TJP1: variants seen among roughly 807,000 people sequenced by gnomAD.
TJP1 encodes the protein tight junction protein ZO-1.
In TJP1, 43 loss-of-function variants were observed where a neutral mutation model predicts 194.2. That is an observed-to-expected ratio of 0.22 (90% confidence interval 0.17 to 0.29). The LOEUF (loss-of-function observed/expected upper bound fraction) is 0.29. Among genes scored for constraint, TJP1 ranks in the 10% least tolerant of loss-of-function variants. The pLI is 1.00. For missense variants in TJP1, 1,971 were observed against 2,185.7 expected (o/e 0.90, Z 1.96); for synonymous variants, 801 against 779.0 (o/e 1.03, Z -0.47).
chr15:29,703,377 G>T (rs1394468684), intron 27 of TJP1, among the ~76,000 whole-genome samples: 3 of 152,006 alleles, frequency 2.0e-5, no homozygotes, highest in Non-Finnish European at 2.9e-5. Context: ...GGCGAAGGTT[G>T]CAGTGAGCTG....
chr15:29,806,819 CA>C (rs2049141349), intron 1 of TJP1, among the ~76,000 whole-genome samples: 1 of 151,996 alleles, frequency 6.6e-6, no homozygotes, highest in African/African-American at 2.4e-5. Flanking sequence ...AAAGGTAAGG[CA>C]AAATATGTAT....
intron 1 of TJP1, among the ~76,000 whole-genome samples, chr15:29,817,905 G>T (rs1363903940): frequency 6.6e-6 from 1 of 151,916 alleles, no homozygotes; most frequent in Non-Finnish European, 1.5e-5. Flanking sequence ...TGCATGTGGG[G>T]CTTAAAACTT....
At chr15:29,730,002 T>G (rs1283837261) in intron 15 of TJP1, among the ~76,000 whole-genome samples, 1 of 152,042 alleles carries the variant, frequency 6.6e-6, no homozygotes, top group African/African-American at 2.4e-5. Flanking sequence ...ATGGACAGAT[T>G]TCTGTATCTT....
chr15:29,708,989 C>G lies in TJP1; in HGVS notation c.4420G>C (p.Asp1474His). 1 of 1,613,872 alleles carries G rather than the reference C, an allele frequency of 6.2e-7. No individual in the cohort carries two copies. The highest frequency in any genetic ancestry group is 1.1e-5 in the South Asian group (1 of 91,054). The part of the protein sequence containing the change: ...DFQNSLVSKP[D>H]PPPSQNKPAT... ...GGCTTATTCTGAGATGGAGGTGGGT[C>G]TGGTTTGGACACTAAGGAATTCTGA... is the stretch of plus-strand genomic sequence containing the variant. The change falls in exon 25 of 28, where the codon GAC becomes CAC. Residue 1474 changes from aspartate to histidine, a missense_variant. Physicochemically the swap from Asp to His is moderately conservative, Grantham distance 81 (BLOSUM62 -1). Coordinates refer to ENST00000614355, the MANE Select transcript of TJP1 (RefSeq NM_001330239.4).
intron 8 of TJP1, among the ~76,000 whole-genome samples, chr15:29,757,055 G>T (rs2045687932): frequency 6.6e-6 from 1 of 152,082 alleles, no homozygotes; most frequent in African/African-American, 2.4e-5. Flanking sequence ...CGTATGACCT[G>T]CCTGCTTCAC....
intron 2 of TJP1, among the ~76,000 whole-genome samples, chr15:29,830,219 G>A (rs2050794770): frequency 6.6e-6 from 1 of 151,662 alleles, no homozygotes; most frequent in South Asian, 2.1e-4. Flanking sequence ...CTATTACTCT[G>A]AAACTGCTCT....
At chr15:29,949,262 A>ACCT (rs1341159215) in intron 2 of TJP1, among the ~76,000 whole-genome samples, 1 of 76,708 alleles carries the variant, frequency 1.3e-5, no homozygotes, top group East Asian at 5.6e-4. Flanking sequence ...CACCTCCACC[A>ACCT]CCACCACCTC....
chr15:29,954,393 T>C (rs1407626227), intron 2 of TJP1, among the ~76,000 whole-genome samples: 1 of 152,208 alleles, frequency 6.6e-6, no homozygotes, highest in Non-Finnish European at 1.5e-5. Context: ...AGTTATATGA[T>C]TATGCTTCAG....
chr15:29,835,683 T>C (rs2051002616), intron 2 of TJP1, among the ~76,000 whole-genome samples: 1 of 151,794 alleles, frequency 6.6e-6, no homozygotes, highest in African/African-American at 2.4e-5. Flanking sequence ...AACATGATAC[T>C]CTAACATGTA....
In TJP1 at chr15:29,803,870, A is replaced by C. The variant is rs531738253; in HGVS notation, c.28-3168T>G. Among the ~76,000 whole-genome samples the C allele has an allele frequency of 9.2e-4, 140 of 152,232 alleles. 1 individual carries two copies. The highest frequency in any genetic ancestry group is 3.4e-3 in the Middle Eastern group (1 of 294). On this transcript the variant is annotated intron_variant, in intron 1 of 27. Transcript: ENST00000614355. ...CCACATCTCAAAAAACTTCTCTGTT[A>C]AACATCAATTATAGCTTGATTTATC...
intron 6 of TJP1, 66 bp from the exon 7 acceptor site, chr15:29,761,835 TATAAAC>T: frequency 1.4e-6 from 2 of 1,393,322 alleles, no homozygotes; most frequent in Non-Finnish European, 1.9e-6. Flanking sequence ...CTTAGTTTGT[TATAAAC>T]AGAAATATCC....
intron 18 of TJP1, among the ~76,000 whole-genome samples, chr15:29,725,684 G>C (rs1476294651): frequency 6.6e-6 from 1 of 151,864 alleles, no homozygotes; most frequent in Non-Finnish European, 1.5e-5. Context: ...CAGAAAGACT[G>C]ACAATAGAAA....
At chr15:29,703,936 C>A (rs900045583) in intron 27 of TJP1, among the ~76,000 whole-genome samples, 3 of 152,208 alleles carry the variant, frequency 2.0e-5, no homozygotes, top group Non-Finnish European at 4.4e-5. Flanking sequence ...AGCCACGGCG[C>A]CCGGCCCAAA....
chr15:29,951,018 A>C (rs2055730083), intron 2 of TJP1, among the ~76,000 whole-genome samples: 1 of 152,204 alleles, frequency 6.6e-6, no homozygotes, highest in Non-Finnish European at 1.5e-5. Flanking sequence ...CCACACATAG[A>C]ATCATTTGTT....
chr15:29,720,415 C>T lies in TJP1; in HGVS notation c.2706G>A (p.Ala902=), dbSNP rs765859900. The change falls in exon 19 of 28, where the codon GCG becomes GCA. Residue 902 remains alanine (A), a synonymous_variant. Transcript: ENST00000614355. The stretch of plus-strand genomic sequence containing the variant: ...CTATTCTATGAATTGGTTGTGGCTG[C>T]GCTTGTGGTGAGTAAGGAGGATATG... ...NQTYPPYSPQ[A]QPQPIHRIDS... is the part of the protein sequence containing the mutation. The T allele has an allele frequency of 1.9e-5, 31 of 1,611,692 alleles. No individual in the cohort carries two copies. In the East Asian group the frequency reaches 2.2e-4, roughly 12 times the overall value.
intron 6 of TJP1, 76 bp downstream of exon 6, chr15:29,762,259 A>G: frequency 8.0e-7 from 1 of 1,257,792 alleles, no homozygotes; most frequent in South Asian, 1.5e-5. Flanking sequence ...TGCTTCAAAC[A>G]AGAGCACAGA....
At chr15:29,785,311 T>C (rs1262553143) in intron 2 of TJP1, among the ~76,000 whole-genome samples, 2 of 152,218 alleles carry the variant, frequency 1.3e-5, no homozygotes, top group East Asian at 3.9e-4. Context: ...CCTGGAATTT[T>C]TTCAGTTATG....
upstream of TJP1, chr15:29,822,538 AGGCGAGGCGG>A: frequency 1.1e-6 from 1 of 894,052 alleles, no homozygotes; most frequent in Non-Finnish European, 1.3e-6. Context: ...AGGCGAGGCG[AGGCGAGGCGG>A]GGAGGGGGCG....
At chr15:29,869,206 G>T (rs561156754) in intron 2 of TJP1, among the ~76,000 whole-genome samples, 3 of 152,170 alleles carry the variant, frequency 2.0e-5, no homozygotes, top group African/African-American at 7.2e-5. Context: ...GGTGAACAGC[G>T]AATGTGTGAG....
Sources: allele counts gnomAD v4.1 joint callset (sites outside exome capture counted in the v4.1 genomes callset), GRCh38; gene constraint gnomAD v4.1.1; transcripts MANE v1.5; gene names NCBI Gene and HGNC (gene_info 2026-07-23, HGNC 2026-07-21).